Variants in PRAMEF20 observed in about 807,000 individuals in gnomAD.
PRAMEF20 encodes PRAME family member 20, also known as PRAME family member 20/21.
PRAMEF20 carries 27 observed loss-of-function variants against 32.4 expected under a neutral mutation model. The observed-to-expected ratio is 0.83, with a 90% CI of 0.61 to 1.15. PRAMEF20 has a LOEUF of 1.15. Among genes scored for constraint, PRAMEF20 ranks in the 50% most tolerant of loss-of-function variants. PRAMEF20 has a pLI of 0.00. For missense variants in PRAMEF20, 604 were observed against 584.5 expected, an observed-to-expected ratio of 1.03 and a Z score of -0.34; for synonymous variants, 256 against 235.4, an observed-to-expected ratio of 1.09 and a Z score of -0.80.
exon 2 of PRAMEF20, chr1:13,418,431 G>C: frequency 6.2e-7 from 1 of 1,613,904 alleles, no homozygotes; most frequent in Non-Finnish European, 8.5e-7. Flanking sequence ...GAAACATCCT[G>C]AAAACAGTCA....
intron 1 of PRAMEF20, 144 bp from the exon 3 acceptor site, chr1:13,417,978 G>C: frequency 1.7e-6 from 2 of 1,180,878 alleles, no homozygotes; most frequent in Non-Finnish European, 2.4e-6. Context: ...GTTTCACCAT[G>C]CTAGCCAGGA....
chr1:13,410,722 T>A, the PRAMEF20 span, among the ~76,000 whole-genome samples: 1 of 151,850 alleles, frequency 6.6e-6, no homozygotes, highest in African/African-American at 2.4e-5. Context: ...TTGGTTTATA[T>A]CCTTTCAGAA....
At chr1:13,415,438 C>G (rs1022549789), upstream of PRAMEF20, among the ~76,000 whole-genome samples, 2 of 152,034 alleles carry the variant, frequency 1.3e-5, no homozygotes, top group Non-Finnish European at 2.9e-5. Context: ...CTCTGTCTTG[C>G]GAATGATCCA....
At chr1:13,414,031 GTTTTTGT>G (rs1641137569), upstream of PRAMEF20, among the ~76,000 whole-genome samples, 1 of 151,822 alleles carries the variant, frequency 6.6e-6, no homozygotes, top group East Asian at 1.9e-4. Context: ...CAGTTTTTGT[GTTTTTGT>G]TTTTTGTTTA....
At chr1:13,421,102 C>G in exon 3 of PRAMEF20, 7 of 1,612,748 alleles carry the variant, frequency 4.3e-6, no homozygotes, top group Non-Finnish European at 5.9e-6. Context: ...TTCGTGGTAT[C>G]GTCTGCCGGA....
At chr1:13,419,349 A>G (rs957483306) in intron 2 of PRAMEF20, among the ~76,000 whole-genome samples, 1 of 151,962 alleles carries the variant, frequency 6.6e-6, no homozygotes, top group Non-Finnish European at 1.5e-5. Context: ...GGGTTTCACC[A>G]TGTTGGCCAG....
At chr1:13,420,419 G>T (rs968558230) in intron 2 of PRAMEF20, among the ~76,000 whole-genome samples, 9 of 152,138 alleles carry the variant, frequency 5.9e-5, no homozygotes, top group Non-Finnish European at 8.8e-5. Context: ...ATGTTGGCCA[G>T]GCTGGTCTCA....
chr1:13,416,568 A>G lies in PRAMEF20; in HGVS notation c.214A>G (p.Arg72Gly), dbSNP rs377065546. ...CCTTCCTCTGGGGTCTCTGATGAAA[A>G]GGCCTTGCCCAGAGACCTTCCAAGC... Residue 72 changes from arginine (R) to glycine (G), a missense_variant, in exon 1 of 3, where the codon AGG (arginine) becomes GGG (glycine). By Grantham distance (125) the Arg-to-Gly change is moderately radical. Coordinates refer to ENST00000602960, the Ensembl canonical transcript of PRAMEF20. The G allele has an allele frequency of 1.7e-4, 278 of 1,614,000 alleles. No individual in the cohort carries two copies. Among genetic ancestry groups the G allele is most frequent in the Non-Finnish European group, 2.3e-4 (269 of 1,180,018 alleles).
exon 1 of PRAMEF20, chr1:13,416,513 G>A (rs752822708): frequency 1.2e-6 from 2 of 1,614,190 alleles, no homozygotes; most frequent in Non-Finnish European, 8.5e-7. Context: ...AGGCCCTGAA[G>A]CTGATGGTGC....
At chr1:13,411,141 A>AGAT in the PRAMEF20 span, among the ~76,000 whole-genome samples, 1 of 152,256 alleles carries the variant, frequency 6.6e-6, no homozygotes, top group East Asian at 1.9e-4. Context: ...TACAGCCATC[A>AGAT]ACCACCAGTC....
chr1:13,416,240 C>G (rs1641167923), upstream of PRAMEF20: 1 of 1,580,958 alleles, frequency 6.3e-7, no homozygotes, highest in South Asian at 1.1e-5. Flanking sequence ...GCTCTTTCAC[C>G]ATTGCCAGAG....
chr1:13,414,208 ATTTTT>A (rs149194621), upstream of PRAMEF20, among the ~76,000 whole-genome samples: 30,447 of 124,126 alleles, frequency 0.25, 3,434 homozygotes, highest in Middle Eastern at 0.32. Flanking sequence ...CACCTGACTA[ATTTTT>A]TTTTTTTTTT....
chr1:13,418,498 G>C, exon 2 of PRAMEF20: 1 of 1,613,934 alleles, frequency 6.2e-7, no homozygotes, highest in Non-Finnish European at 8.5e-7. Context: ...GCCCGTCCTG[G>C]CAGAGTTTAC....
Position 13,420,901 on chromosome 1 carries a change from T to A in PRAMEF20, c.1071T>A (p.Asp357Glu). 6 of 1,613,916 alleles carry A rather than the reference T, an allele frequency of 3.7e-6. No individual in the cohort carries two copies. In the South Asian group the frequency reaches 6.6e-5, roughly 18 times the overall value. ...CCACCCTTGAGTACCTGGACTTAGA[T>A]GACTGTGGCATCGTAGACTCCCAAG... is the stretch of plus-strand genomic sequence containing the variant. The change falls in exon 3 of 3, where the codon GAT becomes GAA. Residue 357 changes from aspartate to glutamate, a missense_variant. Asp to Glu is a conservative substitution (Grantham distance 45, BLOSUM62 2). Coordinates refer to ENST00000602960, the Ensembl canonical transcript of PRAMEF20.
exon 3 of PRAMEF20, chr1:13,421,209 G>A: frequency 6.2e-7 from 1 of 1,613,968 alleles, no homozygotes; most frequent in Non-Finnish European, 8.5e-7. Context: ...TGCCCTCAGT[G>A]TGGCAACAGG....
upstream of PRAMEF20, among the ~76,000 whole-genome samples, chr1:13,416,006 T>C (rs939359732): frequency 7.9e-5 from 12 of 152,226 alleles, no homozygotes; most frequent in Non-Finnish European, 1.6e-4. Flanking sequence ...CCATTCCCAT[T>C]GTTTTAGAAC....
chr1:13,410,944 G>A, the PRAMEF20 span, among the ~76,000 whole-genome samples: 14 of 151,788 alleles, frequency 9.2e-5, no homozygotes, highest in South Asian at 2.1e-4. Context: ...TGCAACCTCC[G>A]CCTCCCAGGC....
chr1:13,417,528 G>A (rs1474351937), intron 1 of PRAMEF20, among the ~76,000 whole-genome samples: 3 of 151,344 alleles, frequency 2.0e-5, no homozygotes, highest in South Asian at 4.2e-4. Context: ...GCTTGAACCC[G>A]GGAGCTGGAG....
At chr1:13,412,047 T>TA (rs1266724455), upstream of PRAMEF20, among the ~76,000 whole-genome samples, 18 of 131,132 alleles carry the variant, frequency 1.4e-4, no homozygotes, top group Admixed American at 3.7e-4. Flanking sequence ...TTTATTTATT[T>TA]ATTTAATTTA....
Sources: allele counts gnomAD v4.1 joint callset (sites outside exome capture counted in the v4.1 genomes callset), GRCh38; gene constraint gnomAD v4.1.1; transcripts MANE v1.5; gene names NCBI Gene and HGNC (gene_info 2026-07-23, HGNC 2026-07-21).